The following EMX1 variants were observed in gnomAD, a reference collection of about 807,000 sequenced individuals.
EMX1 encodes empty spiracles homeobox 1.
A neutral mutation model predicts 20.1 loss-of-function variants in EMX1; 10 were observed. The ratio of observed to expected loss-of-function variants is 0.50; its 90% CI spans 0.31 to 0.84. EMX1 has a LOEUF of 0.84. Among genes scored for constraint, EMX1 ranks in the 40% least tolerant of loss-of-function variants. EMX1 has a pLI of 0.05. For missense variants in EMX1, 424 were observed against 431.9 expected (o/e 0.98, Z 0.16); for synonymous variants, 250 against 200.4 (o/e 1.25, Z -2.09).
intron 2 of EMX1, 81 bp downstream of exon 2, chr2:72,924,574 A>T: frequency 7.0e-7 from 1 of 1,418,600 alleles, no homozygotes; most frequent in Non-Finnish European, 9.3e-7. Context: ...AGAGGCCCTG[A>T]GCCCGCCCCA....
At position 72,934,195 on chromosome 2, in the gene EMX1, G is replaced by A. The variant is rs1049935994; in HGVS notation, c.*241G>A. Reference sequence around the variant, plus strand: ...CCTGCCTGCCTGGGCGGGCCCGCCCGCCACCGCAGCCTCCCAGCTGCTCTC... The same window carrying A: ...CCTGCCTGCCTGGGCGGGCCCGCCCACCACCGCAGCCTCCCAGCTGCTCTC... On this transcript the variant is annotated 3_prime_UTR_variant, in exon 3 of 3. Coordinates refer to ENST00000258106, the MANE Select transcript of EMX1 (RefSeq NM_004097.3). The A allele has an allele frequency of 3.1e-5, 16 of 524,440 alleles. No homozygotes were observed. Among genetic ancestry groups the A allele is most frequent in the South Asian group, 8.6e-5 (3 of 34,972 alleles). 32.5% of individuals were successfully genotyped at this position (524,440 alleles called of 1,614,324 possible).
intron 2 of EMX1, chr2:72,926,042 G>A (rs1015662143): frequency 1.0e-6 from 1 of 985,126 alleles, no homozygotes; most frequent in East Asian, 1.1e-4. Flanking sequence ...TTTGAAACAA[G>A]GTGTCAGTTT....
chr2:72,926,459 C>A, intron 2 of EMX1: 1 of 340,322 alleles, frequency 2.9e-6, no homozygotes, highest in Non-Finnish European at 4.2e-6. Context: ...TATGGTACAA[C>A]AAAAAGAATG....
chr2:72,917,191 G>A (rs1242274341), upstream of EMX1: 5 of 605,646 alleles, frequency 8.3e-6, no homozygotes, highest in Middle Eastern at 4.2e-4. Flanking sequence ...CGACATCCCG[G>A]GACGAATGGG....
At chr2:72,931,471 C>T (rs894055460) in intron 2 of EMX1, among the ~76,000 whole-genome samples, 2 of 152,194 alleles carry the variant, frequency 1.3e-5, no homozygotes, top group Non-Finnish European at 2.9e-5. Context: ...TGCATCTGGC[C>T]CTGAGTCACG....
intron 1 of EMX1, among the ~76,000 whole-genome samples, chr2:72,921,128 T>C (rs1243878358): frequency 1.3e-5 from 2 of 152,174 alleles, no homozygotes; most frequent in African/African-American, 2.4e-5. Flanking sequence ...CCCCGGGTGC[T>C]TCGGATCCCT....
intron 1 of EMX1, among the ~76,000 whole-genome samples, chr2:72,919,111 C>G (rs13006123): frequency 1.3e-5 from 2 of 151,792 alleles, no homozygotes; most frequent in Non-Finnish European, 1.5e-5. Context: ...CTTTTAAGGT[C>G]GTAGCCAGTC....
chr2:72,924,025 G>A, intron 1 of EMX1: 2 of 496,134 alleles, frequency 4.0e-6, no homozygotes, highest in Non-Finnish European at 6.8e-6. Context: ...CGTCCGGCCT[G>A]CCCCATCTCT....
chr2:72,918,650 C>G (rs935796587), intron 1 of EMX1, among the ~76,000 whole-genome samples: 1 of 152,248 alleles, frequency 6.6e-6, no homozygotes, highest in African/African-American at 2.4e-5. Context: ...GGAGCCTGTG[C>G]TGGCCCTCGC....
chr2:72,922,816 G>T (rs985863980), intron 1 of EMX1, among the ~76,000 whole-genome samples: 2 of 152,228 alleles, frequency 1.3e-5, no homozygotes, highest in African/African-American at 4.8e-5. Context: ...CCAGAGATGG[G>T]AGATGTTAAC....
At chr2:72,923,921 T>C (rs1048701947) in intron 1 of EMX1, 1 of 315,546 alleles carries the variant, frequency 3.2e-6, no homozygotes, top group Non-Finnish European at 6.0e-6. Context: ...GCAGCGCCCC[T>C]GGGAAAGGGC....
At chr2:72,928,773 A>G (rs1671242381) in intron 2 of EMX1, among the ~76,000 whole-genome samples, 1 of 152,208 alleles carries the variant, frequency 6.6e-6, no homozygotes, top group African/African-American at 2.4e-5. Context: ...AAGAATGACT[A>G]GGGTCCCCTT....
rs1670992362 is a variant in EMX1, at chr2:72,917,719, C to A, written c.-134C>A. Reference sequence around the variant, plus strand: ...GCCCGCTCCGCCGCAGCAGCCGCCGCGCCTGGCCGTACGCTGTGGCCGGAC... The same window carrying A: ...GCCCGCTCCGCCGCAGCAGCCGCCGAGCCTGGCCGTACGCTGTGGCCGGAC... On this transcript the variant is annotated 5_prime_UTR_variant, in exon 1 of 3. Transcript: ENST00000258106. 1.2e-6 allele frequency: 1 copy of A among 866,628 alleles called. No homozygotes were observed. Among genetic ancestry groups the A allele is most frequent in the Non-Finnish European group, 1.5e-6 (1 of 673,204 alleles). The allele number at this position is 866,628 out of a possible 1,614,324, so 53.7% of individuals were successfully genotyped here.
intron 2 of EMX1, chr2:72,925,364 T>G (rs1448647202): frequency 7.5e-6 from 9 of 1,204,346 alleles, no homozygotes; most frequent in Non-Finnish European, 3.2e-6. Flanking sequence ...GAGGTGGATT[T>G]GGGTTCATTG....
chr2:72,916,398 C>T (rs1167579495), upstream of EMX1: 1 of 485,840 alleles, frequency 2.1e-6, no homozygotes, highest in Non-Finnish European at 3.7e-6. Flanking sequence ...GCTCCCTCTC[C>T]GCAGTGCGCC....
rs1397887841 is a variant in EMX1, at chr2:72,918,308, C to T, written c.456C>T (p.His152=). The T allele has an allele frequency of 2.5e-6, 4 of 1,569,710 alleles. No individual in the cohort carries two copies. Among genetic ancestry groups the T allele is most frequent in the Non-Finnish European group, 3.4e-6 (4 of 1,169,082 alleles). The stretch of plus-strand genomic sequence containing the variant: ...CGCACTCCTTCTTCGGCGCCCAGCA[C>T]CGGGACCCTCTCCATTTCTACCCCT... The part of the protein sequence containing the change: ...QPPHSFFGAQ[H]RDPLHFYPWV... The change falls in exon 1 of 3, where the codon CAC becomes CAT. Residue 152 remains histidine, a synonymous_variant. Coordinates refer to ENST00000258106, the MANE Select transcript of EMX1 (RefSeq NM_004097.3).
intron 1 of EMX1, among the ~76,000 whole-genome samples, chr2:72,922,453 C>G (rs149664110): frequency 2.0e-5 from 3 of 152,330 alleles, no homozygotes; most frequent in African/African-American, 7.2e-5. Flanking sequence ...TCAGTCGGAC[C>G]TGAGGGCCCT....
At chr2:72,917,282 G>C (rs71416768), upstream of EMX1, among the ~76,000 whole-genome samples, 21,670 of 106,974 alleles carry the variant, frequency 0.2, 1,756 homozygotes, top group South Asian at 0.39. Context: ...TTCGGCTCCC[G>C]CGTGGGTTGA....
chr2:72,916,243 G>A (rs1670958596), upstream of EMX1: 1 of 174,252 alleles, frequency 5.7e-6, no homozygotes, highest in Non-Finnish European at 1.2e-5. Flanking sequence ...GCCAAGACCC[G>A]GCCTGGAGTC....
Sources: allele counts gnomAD v4.1 joint callset (sites outside exome capture counted in the v4.1 genomes callset), GRCh38; gene constraint gnomAD v4.1.1; transcripts MANE v1.5; gene names NCBI Gene and HGNC (gene_info 2026-07-23, HGNC 2026-07-21).